The following FAM135B variants were observed in gnomAD, a reference collection of about 807,000 sequenced individuals.
The protein encoded by FAM135B is family with sequence similarity 135 member B, also known as protein FAM135B.
Under a neutral mutation model 127.7 loss-of-function variants are expected in FAM135B, and 43 were observed. The ratio of observed to expected loss-of-function variants is 0.34; its 90% CI spans 0.26 to 0.43. The LOEUF is 0.43. Ranked by LOEUF, FAM135B falls within the 20% of genes least tolerant of loss-of-function variation. The pLI, the probability that FAM135B is intolerant of heterozygous loss-of-function variation, is 1.00. For synonymous variants in FAM135B, 670 were observed against 665.1 expected (o/e 1.01, Z -0.11); for missense variants, 1,558 against 1,725.6 (o/e 0.90, Z 1.72).
chr8:138,491,683 G>C (rs1815206235), intron 1 of FAM135B, among the ~76,000 whole-genome samples: 1 of 152,196 alleles, frequency 6.6e-6, no homozygotes, highest in Non-Finnish European at 1.5e-5. Flanking sequence ...CTACCAGTGG[G>C]AGTTCAACAG....
Position 138,218,865 on chromosome 8 carries a change from G to A in FAM135B, c.670-21196C>T, listed in dbSNP as rs188754825. Among the ~76,000 whole-genome samples, 11 of 151,748 alleles carry A rather than the reference G, an allele frequency of 7.2e-5. No homozygotes were observed. The East Asian group carries it at 7.8e-4, about 11-fold the overall frequency. On this transcript the variant is annotated intron_variant, in intron 7 of 19. Transcript: ENST00000395297. ...ATGTTGTCCCATCAGACAAGGCAACGCAGCCAGGAAACTGCTTACCAGGCA... is the reference window on the plus strand; with the variant it reads ...ATGTTGTCCCATCAGACAAGGCAACACAGCCAGGAAACTGCTTACCAGGCA...
intron 14 of FAM135B, among the ~76,000 whole-genome samples, chr8:138,146,874 T>A (rs1465757764): frequency 6.6e-6 from 1 of 152,194 alleles, no homozygotes; most frequent in African/African-American, 2.4e-5. Flanking sequence ...ATAAATTACC[T>A]ACTTTGTCAT....
intron 1 of FAM135B, among the ~76,000 whole-genome samples, chr8:138,485,439 A>G (rs1419076414): frequency 6.6e-6 from 1 of 152,244 alleles, no homozygotes; most frequent in Non-Finnish European, 1.5e-5. Context: ...GGTTGATATT[A>G]AGTACATACA....
intron 1 of FAM135B, among the ~76,000 whole-genome samples, chr8:138,430,586 T>C (rs1482362374): frequency 1.3e-5 from 2 of 152,102 alleles, no homozygotes; most frequent in Non-Finnish European, 2.9e-5. Flanking sequence ...ACGGTGGAAG[T>C]TGTGAATCTC....
chr8:138,188,196 A>G (rs927693400), intron 9 of FAM135B, among the ~76,000 whole-genome samples: 1 of 152,184 alleles, frequency 6.6e-6, no homozygotes, highest in Non-Finnish European at 1.5e-5. Context: ...ATTCTTTATC[A>G]TAGAACAGGT....
chr8:138,442,847 A>C (rs951933052), intron 1 of FAM135B, among the ~76,000 whole-genome samples: 1 of 152,280 alleles, frequency 6.6e-6, no homozygotes, highest in East Asian at 1.9e-4. Flanking sequence ...TGATAAGACA[A>C]GGACAGCAAT....
At chr8:138,406,347 C>A (rs1031064561) in intron 1 of FAM135B, among the ~76,000 whole-genome samples, 1 of 152,118 alleles carries the variant, frequency 6.6e-6, no homozygotes, top group African/African-American at 2.4e-5. Flanking sequence ...GGAACTGGTA[C>A]CATTCCTTCT....
At chr8:138,177,856 C>G (rs967415803) in intron 10 of FAM135B, among the ~76,000 whole-genome samples, 5 of 152,210 alleles carry the variant, frequency 3.3e-5, no homozygotes, top group Non-Finnish European at 7.3e-5. Flanking sequence ...AGATGTTGAT[C>G]TAAATACCAG....
intron 12 of FAM135B, among the ~76,000 whole-genome samples, chr8:138,154,450 G>A (rs1001443744): frequency 2.0e-5 from 3 of 152,308 alleles, no homozygotes; most frequent in East Asian, 3.9e-4. Flanking sequence ...ACTTTGAGGA[G>A]TTGACGGAAG....
At chr8:138,471,210 A>G (rs1164577908) in intron 1 of FAM135B, among the ~76,000 whole-genome samples, 2 of 152,038 alleles carry the variant, frequency 1.3e-5, no homozygotes, top group Non-Finnish European at 2.9e-5. Flanking sequence ...ATGCACACAG[A>G]CAATGCTGAA....
At chr8:138,404,738 C>T (rs1326805753) in intron 1 of FAM135B, among the ~76,000 whole-genome samples, 2 of 152,164 alleles carry the variant, frequency 1.3e-5, no homozygotes, top group Non-Finnish European at 2.9e-5. Context: ...TCTCATCCAT[C>T]AAAGTTTTAT....
chr8:138,148,880 T>G (rs954305907), intron 13 of FAM135B, 194 bp from the exon 14 acceptor site: 1 of 369,450 alleles, frequency 2.7e-6, no homozygotes, highest in African/African-American at 2.2e-5. Flanking sequence ...GAAAGCACTC[T>G]ATAAAAACCA....
In FAM135B at chr8:138,241,370, T is replaced by C. The variant is rs2130354701; in HGVS notation, c.669+1572A>G. 6.6e-6 allele frequency among the ~76,000 whole-genome samples: 1 copy of C among 152,354 alleles called. No homozygotes were observed. Among genetic ancestry groups the C allele is most frequent in the Admixed American group, 6.5e-5 (1 of 15,308 alleles). On this transcript the variant is annotated intron_variant, in intron 7 of 19. Coordinates refer to ENST00000395297, the MANE Select transcript of FAM135B (RefSeq NM_015912.4). The surrounding 1 kb of genome is among the most constrained non-coding windows in gnomAD (Gnocchi z 4.8). The stretch of plus-strand genomic sequence containing the variant: ...CCCTGGAACTGGTCTTATTTGGCTC[T>C]AAAATCTGCTCCTTCCATGGCACAG...
intron 2 of FAM135B, among the ~76,000 whole-genome samples, chr8:138,359,681 A>G (rs1003327717): frequency 1.3e-5 from 2 of 152,236 alleles, no homozygotes; most frequent in Non-Finnish European, 2.9e-5. Context: ...TGTTTCTGAC[A>G]GAACCAGACA....
chr8:138,457,974 C>CAA (rs530760937), intron 1 of FAM135B, among the ~76,000 whole-genome samples: 21 of 76,942 alleles, frequency 2.7e-4, no homozygotes, highest in African/African-American at 4.9e-4. Flanking sequence ...GACTCCATCT[C>CAA]AAAAAAAAAA....
intron 1 of FAM135B, among the ~76,000 whole-genome samples, chr8:138,394,655 AGT>A (rs968400395): frequency 9.2e-5 from 14 of 152,210 alleles, no homozygotes; most frequent in Non-Finnish European, 1.6e-4. Context: ...ATATGTGTGG[AGT>A]CTCTCCCATG....
At chr8:138,381,509 T>C (rs1451107567) in intron 1 of FAM135B, among the ~76,000 whole-genome samples, 1 of 152,120 alleles carries the variant, frequency 6.6e-6, no homozygotes, top group Non-Finnish European at 1.5e-5. Flanking sequence ...TATTTTCAGG[T>C]TAGGCTGTGA....
At chr8:138,439,517 C>G (rs1194886375) in intron 1 of FAM135B, 1 of 152,042 alleles carries the variant, frequency 6.6e-6, no homozygotes, top group Non-Finnish European at 1.5e-5. Flanking sequence ...AGGACATTTC[C>G]TAGGGGGAGG....
At chr8:138,321,854 T>C (rs1169246263) in intron 2 of FAM135B, among the ~76,000 whole-genome samples, 1 of 152,206 alleles carries the variant, frequency 6.6e-6, no homozygotes, top group Non-Finnish European at 1.5e-5. Context: ...TTTCTGTCTG[T>C]TCACCCAAGT....
Sources: allele counts gnomAD v4.1 joint callset (sites outside exome capture counted in the v4.1 genomes callset), GRCh38; gene constraint gnomAD v4.1.1; non-coding constraint Gnocchi (gnomAD v3.1); transcripts MANE v1.5; gene names NCBI Gene and HGNC (gene_info 2026-07-23, HGNC 2026-07-21).